Variants in UGT1A4 observed in about 807,000 individuals in gnomAD.
The protein encoded by UGT1A4 is UDP-glucuronosyltransferase 1A4.
Under a neutral mutation model 41.1 loss-of-function variants are expected in UGT1A4, and 32 were observed. The observed-to-expected ratio is 0.78, with a 90% CI of 0.59 to 1.05. UGT1A4 has a LOEUF of 1.05. UGT1A4 is among the 50% of genes least tolerant of loss of function. The pLI is 0.00. For missense variants in UGT1A4, 748 were observed against 677.4 expected, an observed-to-expected ratio of 1.10 and a Z score of -1.16; for synonymous variants, 283 against 265.1, an observed-to-expected ratio of 1.07 and a Z score of -0.66.
At chr2:233,729,583 C>A (rs1274615489) in intron 1 of UGT1A4, 2 of 1,614,036 alleles carry the variant, frequency 1.2e-6, no homozygotes, top group Non-Finnish European at 1.7e-6. Context: ...TTTAACAGAC[C>A]CCGTTAACCT....
rs950198102 is a variant in UGT1A4 at position 233,769,900 on chromosome 2, C to G, written c.1307+1461C>G. ...TGAAAAGTCCACATAACCTGAGCAT[C>G]ATGTGCCCAGAGCGTTGGGTGGTGT... is the stretch of plus-strand genomic sequence containing the variant. On this transcript the variant is annotated intron_variant, in intron 4 of 4. Transcript: ENST00000373409. The surrounding 1 kb of genome is among the most constrained non-coding windows in gnomAD (Gnocchi z 4.4). 3.8e-5 allele frequency: 13 copies of G among 342,836 alleles called. No individual in the cohort carries two copies. The highest frequency in any genetic ancestry group is 6.8e-5 in the Non-Finnish European group (13 of 189,812). 21.2% of individuals were successfully genotyped at this position (342,836 alleles called of 1,614,324 possible). A position where few individuals can be genotyped will look rare whatever the true frequency, so the allele number is the denominator to read the frequency against.
rs1319041279 is a variant in UGT1A4 at position 233,750,932 on chromosome 2, G to C, written c.868-16102G>C. Among the ~76,000 whole-genome samples the C allele has an allele frequency of 2.6e-5, 4 of 151,980 alleles. No homozygotes were observed. The East Asian group carries it at 7.7e-4, about 29-fold the overall frequency. ...AAGGGTGGTAAAGAAATGTGAGGTT[G>C]GAGCCCCCACACAGAGTCTCCACTG... On this transcript the variant is annotated intron_variant, in intron 1 of 4. Coordinates refer to ENST00000373409, the MANE Select transcript of UGT1A4 (RefSeq NM_007120.3).
Position 233,747,854 on chromosome 2 carries a change from G to C in UGT1A4, c.868-19180G>C, listed in dbSNP as rs28900382. 4.1e-4 allele frequency: 669 copies of C among 1,613,508 alleles called. 5 individuals are homozygous for C. The East Asian group carries it at 0.011, about 27-fold the overall frequency. On this transcript the variant is annotated intron_variant, in intron 1 of 4. Coordinates refer to ENST00000373409, the MANE Select transcript of UGT1A4 (RefSeq NM_007120.3). ...CATTCCTGCAAAGGGTCAAGAACAT[G>C]CTCTACCCTCTGGCCCTGTCCTACC...
rs562366711 is a variant in UGT1A4 at position 233,731,551 on chromosome 2, T to C, written c.867+11864T>C. On this transcript the variant is annotated intron_variant, in intron 1 of 4. Transcript: ENST00000373409. The stretch of plus-strand genomic sequence containing the variant: ...CATGCGGTGTTTGGTTTTCTGTCCA[T>C]GTGATAGTTTGCTGAGAATGATGGT... 4.6e-5 allele frequency among the ~76,000 whole-genome samples: 7 copies of C among 152,330 alleles called. 1 individual carries two copies. In the East Asian group the frequency reaches 1.4e-3, roughly 29 times the overall value.
At chr2:233,766,342 AGTGGCCTGCC>A (rs1699121690) in intron 1 of UGT1A4, among the ~76,000 whole-genome samples, 1 of 152,026 alleles carries the variant, frequency 6.6e-6, no homozygotes, top group Non-Finnish European at 1.5e-5. Flanking sequence ...TCTGCTGGTC[AGTGGCCTGCC>A]GGTGCCTGTT....
At position 233,718,970 on chromosome 2, in the gene UGT1A4, G is replaced by T. The variant is rs45510694; in HGVS notation, c.150G>T (p.Glu50Asp). 4.3e-6 allele frequency: 7 copies of T among 1,614,194 alleles called. No individual in the cohort carries two copies. Among genetic ancestry groups the T allele is most frequent in the Non-Finnish European group, 5.9e-6 (7 of 1,180,028 alleles). The part of the protein sequence containing the change: ...PWLSMREALR[E>D]LHARGHQAVV... ...TCAGCATGCGGGAGGCCTTGCGGGA[G>T]CTCCATGCCAGAGGCCACCAGGCGG... The change falls in exon 1 of 5, where the codon GAG (glutamate) becomes GAT (aspartate). Residue 50 changes from glutamate (E) to aspartate (D), a missense_variant. Transcript: ENST00000373409.
chr2:233,733,665 C>A (rs572113839), intron 1 of UGT1A4, among the ~76,000 whole-genome samples: 1 of 152,162 alleles, frequency 6.6e-6, no homozygotes, highest in Non-Finnish European at 1.5e-5. Context: ...CCGACTTGAT[C>A]GATGTGGATA....
intron 3 of UGT1A4, 52 bp downstream of exon 3, chr2:233,767,988 A>G (rs1699538477): frequency 6.2e-7 from 1 of 1,614,042 alleles, no homozygotes; most frequent in Admixed American, 1.7e-5. Flanking sequence ...AATTAAGAAA[A>G]TGGCTTAAGC....
At position 233,747,709 on chromosome 2, in the gene UGT1A4, C is replaced by G. The variant is rs1194057066; in HGVS notation, c.868-19325C>G. On this transcript the variant is annotated intron_variant, in intron 1 of 4. Transcript: ENST00000373409. ...GGGGCAGTGCTGGCTAAGTACCTAT[C>G]AATTCCTGCTGTGTTTTTTTTGAGG... 13 of 1,612,750 alleles carry G rather than the reference C, an allele frequency of 8.1e-6. No individual in the cohort carries two copies. The African/African-American group carries it at 1.5e-4, about 18-fold the overall frequency.
chr2:233,725,246 AGAG>A (rs1452958185), intron 1 of UGT1A4, among the ~76,000 whole-genome samples: 3 of 47,660 alleles, frequency 6.3e-5, no homozygotes, highest in African/African-American at 3.5e-4. Flanking sequence ...AGGCAGAGGC[AGAG>A]GAGGCAGAGG....
intron 3 of UGT1A4, 40 bp from the exon 4 acceptor site, chr2:233,768,180 G>C: frequency 6.2e-7 from 1 of 1,613,956 alleles, no homozygotes; most frequent in Admixed American, 1.7e-5. Context: ...GTGAAACTCA[G>C]AGATGTAACT....
At chr2:233,720,316 G>A (rs1418741193) in intron 1 of UGT1A4, among the ~76,000 whole-genome samples, 1 of 152,090 alleles carries the variant, frequency 6.6e-6, no homozygotes, top group Admixed American at 6.5e-5. Context: ...TGTATGATGT[G>A]GGGACATCGT....
Position 233,750,687 on chromosome 2 carries a change from G to T in UGT1A4, c.868-16347G>T, listed in dbSNP as rs1349099199. On this transcript the variant is annotated intron_variant, in intron 1 of 4. Coordinates refer to ENST00000373409, the MANE Select transcript of UGT1A4 (RefSeq NM_007120.3). The stretch of plus-strand genomic sequence containing the variant: ...CTGTGTCCCAGTGGCTCCAGCCATG[G>T]CTAAAAGAGGCCAAGGTAGAGCTCA... The T allele has an allele frequency of 2.6e-5, 4 of 151,974 alleles. No individual in the cohort carries two copies. In the South Asian group the frequency reaches 6.2e-4, roughly 24 times the overall value. 9.4% of individuals were successfully genotyped at this position (151,974 alleles called of 1,614,324 possible). A position where few individuals can be genotyped will look rare whatever the true frequency, so the allele number is the denominator to read the frequency against.
intron 1 of UGT1A4, chr2:233,755,622 G>A (rs28900393): frequency 0.029 from 4,678 of 158,830 alleles, 229 homozygotes; most frequent in African/African-American, 0.11. Context: ...TCTTAAAGTA[G>A]GCTTTATATC....
intron 1 of UGT1A4, among the ~76,000 whole-genome samples, chr2:233,763,508 A>G (rs1374305000): frequency 6.6e-6 from 1 of 152,166 alleles, no homozygotes; most frequent in Non-Finnish European, 1.5e-5. Context: ...CTTTATGTTT[A>G]GTTGACTTTG....
chr2:233,763,329 T>A (rs752568926), intron 1 of UGT1A4, among the ~76,000 whole-genome samples: 30 of 152,234 alleles, frequency 2.0e-4, no homozygotes, highest in Non-Finnish European at 3.5e-4. Context: ...ATTATTTTTG[T>A]TTACATTTCC....
chr2:233,718,834 T>A lies in UGT1A4; in HGVS notation c.14T>A (p.Leu5His). The change falls in exon 1 of 5, where the codon CTC (leucine) becomes CAC (histidine). Residue 5 changes from leucine (L) to histidine (H), a missense_variant. Leu to His is a moderately conservative substitution (Grantham distance 99). Transcript: ENST00000373409. MARG[L>H]QVPLPRLATG... ...GCTTCTGCTGAGATGGCCAGAGGACTCCAGGTTCCCCTGCCGCGGCTGGCC... is the reference window on the plus strand; with the variant it reads ...GCTTCTGCTGAGATGGCCAGAGGACACCAGGTTCCCCTGCCGCGGCTGGCC... 6.2e-7 allele frequency: 1 copy of A among 1,613,600 alleles called. No homozygotes were observed. The highest frequency in any genetic ancestry group is 8.5e-7 in the Non-Finnish European group (1 of 1,179,962).
At chr2:233,768,705 T>C (rs536691348) in intron 4 of UGT1A4, among the ~76,000 whole-genome samples, 10 of 148,550 alleles carry the variant, frequency 6.7e-5, no homozygotes, top group Admixed American at 6.1e-4. Flanking sequence ...TGCCTCAGCC[T>C]CCGTGTAGCT....
rs2126038220 is a variant in UGT1A4, at chr2:233,768,440, G to T, written c.1307+1G>T. ...TAAAAGCAGTCATCAATGACAAAAG[G>T]TAAGAAAGAAGATACAGAAGAATAC... On this transcript the variant is annotated splice_donor_variant, in intron 4 of 4. Coordinates refer to ENST00000373409, the MANE Select transcript of UGT1A4 (RefSeq NM_007120.3). LOFTEE classifies it high-confidence loss of function. 1.2e-6 allele frequency: 2 copies of T among 1,613,446 alleles called. No individual in the cohort carries two copies. Among genetic ancestry groups the T allele is most frequent in the Non-Finnish European group, 1.7e-6 (2 of 1,179,672 alleles).
Sources: allele counts gnomAD v4.1 joint callset (sites outside exome capture counted in the v4.1 genomes callset), GRCh38; gene constraint gnomAD v4.1.1; non-coding constraint Gnocchi (gnomAD v3.1); transcripts MANE v1.5; gene names NCBI Gene and HGNC (gene_info 2026-07-23, HGNC 2026-07-21).